MTIF2: variants seen among roughly 807,000 people sequenced by gnomAD.
MTIF2 encodes the protein translation initiation factor IF-2, mitochondrial.
Under a neutral mutation model 83.5 loss-of-function variants are expected in MTIF2, and 71 were observed. That is an observed-to-expected ratio of 0.85 (90% CI 0.70 to 1.04). The LOEUF is 1.04. Ranked by LOEUF, MTIF2 falls within the 50% of genes least tolerant of loss-of-function variation. The pLI, the probability that MTIF2 is intolerant of heterozygous loss-of-function variation, is 0.00. For synonymous variants in MTIF2, 319 were observed against 287.1 expected (o/e 1.11, Z -1.12); for missense variants, 957 against 846.5 (o/e 1.13, Z -1.62).
At chr2:55,236,961 A>G in intron 15 of MTIF2, 141 bp from the exon 16 acceptor site, 1 of 715,230 alleles carries the variant, frequency 1.4e-6, no homozygotes, top group South Asian at 2.7e-5. Flanking sequence ...GATGGGACTA[A>G]ATACCAGGGG....
Position 55,256,435 on chromosome 2 carries a change from C to T in MTIF2, c.332-1610G>A, listed in dbSNP as rs375233770. On this transcript the variant is annotated intron_variant, in intron 5 of 15. Coordinates refer to ENST00000263629, the MANE Select transcript of MTIF2 (RefSeq NM_002453.3). ...TTTTAAAAAAATTTTTGGCCAGGCA[C>T]GGTGGCTCACGCCTGTAATCCCAAC... Among the ~76,000 whole-genome samples the T allele has an allele frequency of 9.2e-5, 14 of 151,784 alleles. No homozygotes were observed. In the East Asian group the frequency reaches 2.0e-3, roughly 21 times the overall value.
intron 14 of MTIF2, among the ~76,000 whole-genome samples, chr2:55,239,167 C>T (rs113440502): frequency 6.5e-4 from 99 of 152,228 alleles, no homozygotes; most frequent in African/African-American, 2.1e-3. Flanking sequence ...GTTGGGACAA[C>T]GGACAAAATG....
At chr2:55,243,944 A>G (rs945945207) in intron 11 of MTIF2, 85 bp downstream of exon 11, 1 of 1,172,422 alleles carries the variant, frequency 8.5e-7, no homozygotes, top group African/African-American at 1.6e-5. Flanking sequence ...TGTTAACATT[A>G]ATACACATAT....
At chr2:55,243,394 T>A (rs754006220) in intron 12 of MTIF2, 22 bp downstream of exon 12, 1 of 1,566,746 alleles carries the variant, frequency 6.4e-7, no homozygotes, top group South Asian at 1.2e-5. Flanking sequence ...TGAACTGTAA[T>A]GTAAAATCTT....
rs1675853593 is a variant in MTIF2, at chr2:55,236,797, G to C, written c.2035C>G (p.His679Asp). ...TTGACAATTGAAATGTCATCTTTAT[G>C]GTGTTTCAATGAGGTTAATGAGCCT... is the stretch of plus-strand genomic sequence containing the variant. ...WKGSLTSLKH[H>D]KDDISIVKTG... The change falls in exon 16 of 16, where the codon CAT becomes GAT. Residue 679 changes from histidine (H) to aspartate (D), a missense_variant. His to Asp is a moderately conservative substitution (Grantham distance 81). Transcript: ENST00000263629. 1 of 1,604,528 alleles carries C rather than the reference G, an allele frequency of 6.2e-7. No individual in the cohort carries two copies. Among genetic ancestry groups the C allele is most frequent in the African/African-American group, 1.3e-5 (1 of 74,598 alleles).
chr2:55,246,251 A>G (rs113623563), intron 10 of MTIF2, 86 bp downstream of exon 10: 1 of 90,478 alleles, frequency 1.1e-5, no homozygotes, highest in East Asian at 1.6e-4. Context: ...TAACAATAAC[A>G]TGTAACAAAA....
chr2:55,249,258 C>A (rs1676919288), intron 9 of MTIF2, 137 bp downstream of exon 9: 1 of 1,109,710 alleles, frequency 9.0e-7, no homozygotes, highest in Non-Finnish European at 1.3e-6. Context: ...ATAATACCAT[C>A]TTTGCCTGGC....
chr2:55,261,747 T>C (rs1046339408), intron 5 of MTIF2, among the ~76,000 whole-genome samples: 2 of 151,912 alleles, frequency 1.3e-5, no homozygotes, highest in African/African-American at 2.4e-5. Context: ...AAGACCAGCC[T>C]AGACAACATA....
chr2:55,259,919 G>A (rs1677831894), intron 5 of MTIF2, among the ~76,000 whole-genome samples: 1 of 152,118 alleles, frequency 6.6e-6, no homozygotes, highest in Non-Finnish European at 1.5e-5. Flanking sequence ...ACTCCAGCCT[G>A]GGTGACAGAG....
intron 12 of MTIF2, 112 bp from the exon 13 acceptor site, chr2:55,243,192 TC>T (rs1426961427): frequency 8.4e-7 from 1 of 1,196,100 alleles, no homozygotes; most frequent in African/African-American, 1.5e-5. Flanking sequence ...TATCACTAAA[TC>T]CACTTTTATT....
chr2:55,255,229 T>A (rs1397097338), intron 5 of MTIF2, among the ~76,000 whole-genome samples: 3 of 151,404 alleles, frequency 2.0e-5, no homozygotes, highest in African/African-American at 7.3e-5. Flanking sequence ...TTATGTTCTA[T>A]AAAGTCACCA....
chr2:55,250,179 C>T (rs1423391539), intron 8 of MTIF2, among the ~76,000 whole-genome samples: 1 of 151,994 alleles, frequency 6.6e-6, no homozygotes, highest in African/African-American at 2.4e-5. Flanking sequence ...TACCAAAATC[C>T]CGGCATACTC....
intron 3 of MTIF2, among the ~76,000 whole-genome samples, chr2:55,264,615 T>C (rs1329382701): frequency 6.6e-6 from 1 of 152,192 alleles, no homozygotes; most frequent in Non-Finnish European, 1.5e-5. Context: ...TCATCTCTAA[T>C]GGTTTCTCAT....
rs1277445238 is a variant in MTIF2, at chr2:55,254,816, T to C, written c.341A>G (p.Tyr114Cys). Residue 114 changes from tyrosine (Y) to cysteine (C), a missense_variant, in exon 6 of 16, where the codon TAT (tyrosine) becomes TGT (cysteine). Physicochemically the swap from Tyr to Cys is radical, Grantham distance 194. Coordinates refer to ENST00000263629, the MANE Select transcript of MTIF2 (RefSeq NM_002453.3). ...AATATCAGTGTTCAATAAAGCTTCA[T>C]ATACATAATCTGATTGGAATAAAAT... ...RAMEKNTDYV[Y>C]EALLNTDIDI... 7 of 1,582,498 alleles carry C rather than the reference T, an allele frequency of 4.4e-6. No individual in the cohort carries two copies. Among genetic ancestry groups the C allele is most frequent in the African/African-American group, 2.7e-5 (2 of 73,280 alleles).
chr2:55,263,059 C>T (rs1315850072), intron 4 of MTIF2, among the ~76,000 whole-genome samples: 1 of 152,102 alleles, frequency 6.6e-6, no homozygotes, highest in Non-Finnish European at 1.5e-5. Flanking sequence ...GATGGGGTTT[C>T]ACCATGTTGG....
chr2:55,251,301 T>TC (rs1558565381), intron 8 of MTIF2, among the ~76,000 whole-genome samples: 1 of 152,052 alleles, frequency 6.6e-6, no homozygotes, highest in Non-Finnish European at 1.5e-5. Flanking sequence ...CCTAGAATCA[T>TC]TAAGAACATA....
chr2:55,261,489 C>G (rs575174613), intron 5 of MTIF2, among the ~76,000 whole-genome samples: 32 of 151,942 alleles, frequency 2.1e-4, no homozygotes, highest in African/African-American at 7.7e-4. Flanking sequence ...CACCTGTAAT[C>G]CCAGCTCCTC....
chr2:55,240,041 A>G lies in MTIF2; in HGVS notation c.1840T>C (p.Leu614=). The G allele has an allele frequency of 6.2e-7, 1 of 1,613,182 alleles. No individual in the cohort carries two copies. Among genetic ancestry groups the G allele is most frequent in the South Asian group, 1.1e-5 (1 of 91,036 alleles). Residue 614 remains leucine, a synonymous_variant, in exon 14 of 16, where the codon TTA becomes CTA. Transcript: ENST00000263629. ...EDLQEELSSR[L]PCAVEEHPVG... ...GGGTGCTCTTCCACAGCACAGGGTA[A>G]TCTGCTGCTCAGTTCCTCTTGCAAA...
intron 6 of MTIF2, 149 bp downstream of exon 6, chr2:55,254,505 A>G (rs924962828): frequency 4.2e-6 from 3 of 714,708 alleles, no homozygotes; most frequent in Non-Finnish European, 6.5e-6. Flanking sequence ...AATGTATAAT[A>G]CACTTTCTAA....
Sources: allele counts gnomAD v4.1 joint callset (sites outside exome capture counted in the v4.1 genomes callset), GRCh38; gene constraint gnomAD v4.1.1; transcripts MANE v1.5; gene names NCBI Gene and HGNC (gene_info 2026-07-23, HGNC 2026-07-21).